Variants in EXOC6 observed in about 807,000 individuals in gnomAD.
EXOC6 encodes exocyst complex component 6, also known as SEC15-like 1.
In EXOC6, 60 loss-of-function variants were observed where a neutral mutation model predicts 112.5. That is an observed-to-expected ratio of 0.53 (90% CI 0.43 to 0.66). EXOC6 has a LOEUF of 0.66. Ranked by LOEUF, EXOC6 falls within the 30% of genes least tolerant of loss-of-function variation. EXOC6 has a pLI of 0.00. For synonymous variants in EXOC6, 295 were observed against 308.0 expected (o/e 0.96, Z 0.44); for missense variants, 855 against 957.1 (o/e 0.89, Z 1.41).
intron 17 of EXOC6, among the ~76,000 whole-genome samples, chr10:92,968,891 T>G (rs1842176836): frequency 6.6e-6 from 1 of 152,182 alleles, no homozygotes; most frequent in African/African-American, 2.4e-5. Context: ...AAAACCGTTT[T>G]GTTTTTTTCT....
intron 20 of EXOC6, among the ~76,000 whole-genome samples, chr10:93,032,919 T>C (rs367937757): frequency 6.6e-6 from 1 of 152,106 alleles, no homozygotes; most frequent in Non-Finnish European, 1.5e-5. Context: ...TTGGGAAATA[T>C]AGGGAAATAG....
chr10:93,010,663 C>T (rs1234176025), intron 19 of EXOC6, among the ~76,000 whole-genome samples: 3 of 149,804 alleles, frequency 2.0e-5, no homozygotes, highest in African/African-American at 2.5e-5. Flanking sequence ...TGCGCCACTG[C>T]ACTCCACCCT....
In EXOC6 at chr10:92,919,994, C is replaced by G. The variant is rs757724300; in HGVS notation, c.832C>G (p.Gln278Glu). Reference sequence around the variant, plus strand: ...GTTTAATTTTCAGATCTTAACTGTTCAGGATCTTGTTGATTTTTCCCCTGT... The same window carrying G: ...GTTTAATTTTCAGATCTTAACTGTTGAGGATCTTGTTGATTTTTCCCCTGT... Reference protein sequence around the residue: ...DENEEEILTVQDLVDFSPVYR... With the variant: ...DENEEEILTVEDLVDFSPVYR... The change falls in exon 8 of 22, where the codon CAG becomes GAG. Residue 278 changes from glutamine (Q) to glutamate (E), a missense_variant. By Grantham distance (29) the Gln-to-Glu change is conservative (BLOSUM62 2). Transcript: ENST00000260762. The G allele has an allele frequency of 1.2e-5, 20 of 1,604,022 alleles. No individual in the cohort carries two copies. Among genetic ancestry groups the G allele is most frequent in the Non-Finnish European group, 1.6e-5 (19 of 1,174,338 alleles).
intron 5 of EXOC6, among the ~76,000 whole-genome samples, chr10:92,905,221 C>G (rs1195677373): frequency 6.6e-6 from 1 of 151,892 alleles, no homozygotes; most frequent in African/African-American, 2.4e-5. Flanking sequence ...TCAGTCTATC[C>G]TTCAACTTTG....
At chr10:92,847,114 C>G (rs1051711101), upstream of EXOC6, among the ~76,000 whole-genome samples, 2 of 152,172 alleles carry the variant, frequency 1.3e-5, no homozygotes, top group African/African-American at 4.8e-5. Context: ...TGATTTTTAG[C>G]CCAGTGAGAC....
At chr10:93,052,742 T>A (rs937426989) in intron 20 of EXOC6, among the ~76,000 whole-genome samples, 12 of 152,244 alleles carry the variant, frequency 7.9e-5, no homozygotes, top group Non-Finnish European at 1.6e-4. Flanking sequence ...GAAACCCATT[T>A]ATAAAGCTTA....
At chr10:92,994,809 G>A (rs143144078) in intron 18 of EXOC6, among the ~76,000 whole-genome samples, 1 of 151,948 alleles carries the variant, frequency 6.6e-6, no homozygotes, top group Admixed American at 6.5e-5. Context: ...TTATACCAGA[G>A]TGTGCCAATG....
intron 1 of EXOC6, among the ~76,000 whole-genome samples, chr10:92,858,776 T>G (rs1171145882): frequency 1.3e-5 from 2 of 151,878 alleles, no homozygotes; most frequent in African/African-American, 4.8e-5. Context: ...CTTTCTTTCG[T>G]TTTTTTTGAG....
chr10:92,841,430 C>T (rs1388032516), intron 1 of EXOC6, among the ~76,000 whole-genome samples: 2 of 152,170 alleles, frequency 1.3e-5, no homozygotes, highest in Non-Finnish European at 2.9e-5. Context: ...ATATTTTATA[C>T]TAATGCAATA....
chr10:92,985,567 C>T (rs1842970598), intron 18 of EXOC6, among the ~76,000 whole-genome samples: 1 of 152,116 alleles, frequency 6.6e-6, no homozygotes, highest in Non-Finnish European at 1.5e-5. Context: ...TGATTCTGAA[C>T]AACTTGCTTC....
Position 92,918,314 on chromosome 10 carries a change from A to G in EXOC6, c.820-1668A>G, listed in dbSNP as rs963314122. On this transcript the variant is annotated intron_variant, in intron 7 of 21. Coordinates refer to ENST00000260762, the MANE Select transcript of EXOC6 (RefSeq NM_019053.6). Reference sequence around the variant, plus strand: ...GATTTTAAATTCTTTTTCTAAGGACATAATTGGGATGCAGTAAGAATTTTT... The same window carrying G: ...GATTTTAAATTCTTTTTCTAAGGACGTAATTGGGATGCAGTAAGAATTTTT... 6.6e-5 allele frequency among the ~76,000 whole-genome samples: 10 copies of G among 152,248 alleles called. No homozygotes were observed. The East Asian group carries it at 1.2e-3, about 18-fold the overall frequency.
chr10:92,851,860 C>T (rs891418388), intron 1 of EXOC6, among the ~76,000 whole-genome samples: 7 of 152,068 alleles, frequency 4.6e-5, no homozygotes, highest in African/African-American at 1.4e-4. Context: ...TGCTTGAGCT[C>T]AGGCATACAA....
chr10:92,870,783 A>C (rs1219661028), intron 1 of EXOC6, among the ~76,000 whole-genome samples: 2 of 150,832 alleles, frequency 1.3e-5, no homozygotes, highest in African/African-American at 4.9e-5. Flanking sequence ...ATCTTGGCTC[A>C]CTGCATCCTC....
At chr10:93,055,089 C>T (rs569500622) in intron 20 of EXOC6, among the ~76,000 whole-genome samples, 11 of 152,086 alleles carry the variant, frequency 7.2e-5, no homozygotes, top group Non-Finnish European at 1.2e-4. Flanking sequence ...GTGATCCTCC[C>T]GCCTCAGTCT....
At chr10:92,944,147 G>A (rs770599663) in intron 13 of EXOC6, among the ~76,000 whole-genome samples, 3 of 151,988 alleles carry the variant, frequency 2.0e-5, no homozygotes, top group Non-Finnish European at 2.9e-5. Context: ...CCATTCAAAG[G>A]TCGATTCCGT....
chr10:92,829,501 C>T (rs1023124325), intron 1 of EXOC6, among the ~76,000 whole-genome samples: 2 of 152,208 alleles, frequency 1.3e-5, no homozygotes, highest in African/African-American at 4.8e-5. Context: ...CAACGCCAGA[C>T]AACAACACCA....
chr10:92,924,810 A>T (rs1012988947), intron 8 of EXOC6, among the ~76,000 whole-genome samples: 9 of 151,926 alleles, frequency 5.9e-5, no homozygotes, highest in Non-Finnish European at 1.3e-4. Context: ...CCAATAGGTG[A>T]TTTTTTTCAT....
At chr10:92,835,220 C>A (rs1846626076) in intron 1 of EXOC6, among the ~76,000 whole-genome samples, 1 of 152,108 alleles carries the variant, frequency 6.6e-6, no homozygotes, top group Non-Finnish European at 1.5e-5. Flanking sequence ...AAAATGTAGA[C>A]CATTTATTTG....
intron 19 of EXOC6, among the ~76,000 whole-genome samples, chr10:93,009,585 C>G (rs1305710945): frequency 6.6e-6 from 1 of 152,104 alleles, no homozygotes; most frequent in African/African-American, 2.4e-5. Context: ...GCAGTGAGAA[C>G]ACAGAGAAAG....
Sources: allele counts gnomAD v4.1 joint callset (sites outside exome capture counted in the v4.1 genomes callset), GRCh38; gene constraint gnomAD v4.1.1; transcripts MANE v1.5; gene names NCBI Gene and HGNC (gene_info 2026-07-23, HGNC 2026-07-21).